Variants in ATAD2B observed in about 807,000 individuals in gnomAD.
ATAD2B encodes ATPase family AAA domain containing 2B.
In ATAD2B, 40 loss-of-function variants were observed where a neutral mutation model predicts 167.6. The observed-to-expected ratio is 0.24, with a 90% CI of 0.19 to 0.31. The LOEUF (loss-of-function observed/expected upper bound fraction) is 0.31. Among genes scored for constraint, ATAD2B ranks in the 10% least tolerant of loss-of-function variants. The pLI is 1.00. For synonymous variants in ATAD2B, 579 were observed against 596.5 expected, an observed-to-expected ratio of 0.97 and a Z score of 0.43; for missense variants, 1,242 against 1,757.2, an observed-to-expected ratio of 0.71 and a Z score of 5.24.
intron 22 of ATAD2B, among the ~76,000 whole-genome samples, chr2:23,772,656 A>C (rs1426747943): frequency 3.3e-5 from 5 of 152,126 alleles, no homozygotes; most frequent in African/African-American, 1.2e-4. Context: ...AATCCATAAA[A>C]ATTTCCCACT....
At chr2:23,839,332 T>G (rs1236933110) in intron 13 of ATAD2B, among the ~76,000 whole-genome samples, 1 of 152,144 alleles carries the variant, frequency 6.6e-6, no homozygotes, top group Admixed American at 6.5e-5. Context: ...TTCCCCATAT[T>G]ATAAGAAAAG....
At chr2:23,838,806 G>A (rs772472424) in intron 13 of ATAD2B, among the ~76,000 whole-genome samples, 2 of 151,732 alleles carry the variant, frequency 1.3e-5, no homozygotes, top group African/African-American at 2.4e-5. Context: ...TATGGCTCTG[G>A]GCTCCGTTCC....
At chr2:23,720,230 A>G in the ATAD2B span, among the ~76,000 whole-genome samples, 1 of 152,192 alleles carries the variant, frequency 6.6e-6, no homozygotes, top group Non-Finnish European at 1.5e-5. Flanking sequence ...TCAAAGGGAG[A>G]GTGCTGGAGT....
At chr2:23,767,910 A>AAC (rs1239623691) in intron 22 of ATAD2B, among the ~76,000 whole-genome samples, 1 of 130,790 alleles carries the variant, frequency 7.6e-6, no homozygotes, top group African/African-American at 2.7e-5. Flanking sequence ...AAAACAAACA[A>AAC]AAAAAAAAAC....
chr2:23,760,745 C>T (rs1676614998), intron 24 of ATAD2B, among the ~76,000 whole-genome samples: 3 of 120,920 alleles, frequency 2.5e-5, no homozygotes, highest in African/African-American at 8.5e-5. Context: ...CACACACACA[C>T]ACACATACAC....
chr2:23,888,031 A>G, intron 3 of ATAD2B, 46 bp from the exon 4 acceptor site: 1 of 1,399,320 alleles, frequency 7.1e-7, no homozygotes, highest in African/African-American at 1.5e-5. Context: ...GAATACAGAA[A>G]GACAGAAAAG....
chr2:23,693,188 G>A, the ATAD2B span: 1 of 1,466,950 alleles, frequency 6.8e-7, no homozygotes, highest in Non-Finnish European at 9.1e-7. Flanking sequence ...TTCAGAGAAG[G>A]ATCTAGGGTG....
At chr2:23,855,717 C>T (rs1693284583) in intron 13 of ATAD2B, among the ~76,000 whole-genome samples, 1 of 152,170 alleles carries the variant, frequency 6.6e-6, no homozygotes. Context: ...AGCGAGACTC[C>T]GTCTCTACAA....
At chr2:23,908,211 A>G (rs1157203770) in intron 1 of ATAD2B, among the ~76,000 whole-genome samples, 7 of 151,922 alleles carry the variant, frequency 4.6e-5, no homozygotes, top group East Asian at 3.9e-4. Flanking sequence ...GCAACCTACA[A>G]AATGGGAGAA....
chr2:23,844,231 C>T (rs989581494), intron 13 of ATAD2B, among the ~76,000 whole-genome samples: 7 of 152,056 alleles, frequency 4.6e-5, no homozygotes, highest in African/African-American at 9.7e-5. Context: ...TGAGCCACTG[C>T]GCCCAGCCGA....
At position 23,808,178 on chromosome 2, in the gene ATAD2B, T is replaced by C. The variant is rs560938892; in HGVS notation, c.2454+2138A>G. On this transcript the variant is annotated intron_variant, in intron 18 of 27. Coordinates refer to ENST00000238789, the MANE Select transcript of ATAD2B (RefSeq NM_017552.4). Reference sequence around the variant, plus strand: ...GTTATTTATATATAAGTGATATATATTTATATATATATTTATATTTATATA... The same window carrying C: ...GTTATTTATATATAAGTGATATATACTTATATATATATTTATATTTATATA... Among the ~76,000 whole-genome samples, 213 of 120,764 alleles carry C rather than the reference T, an allele frequency of 1.8e-3. 4 individuals carry two copies. The East Asian group carries it at 0.046, about 26-fold the overall frequency. 79.2% of individuals were successfully genotyped at this position (120,764 alleles called of 152,430 possible).
chr2:23,745,424 A>AAGGAAG, downstream of ATAD2B, among the ~76,000 whole-genome samples: 1 of 32,928 alleles, frequency 3.0e-5, no homozygotes, highest in Non-Finnish European at 6.0e-5. Context: ...AAGGAAGGAA[A>AAGGAAG]GGGAAGGGAA....
the ATAD2B span, among the ~76,000 whole-genome samples, chr2:23,679,733 G>T: frequency 6.6e-6 from 1 of 152,232 alleles, no homozygotes; most frequent in African/African-American, 2.4e-5. Context: ...TATCGATAAA[G>T]AAGTGAGCAC....
chr2:23,908,666 T>C (rs1701822646), intron 1 of ATAD2B, among the ~76,000 whole-genome samples: 1 of 152,094 alleles, frequency 6.6e-6, no homozygotes, highest in Admixed American at 6.6e-5. Context: ...TAAATCATGC[T>C]GCTATAAAGA....
the ATAD2B span, among the ~76,000 whole-genome samples, chr2:23,741,603 G>T: frequency 5.9e-5 from 9 of 152,120 alleles, no homozygotes; most frequent in African/African-American, 2.2e-4. Context: ...AAAAACCCTA[G>T]AAGAAAACCT....
intron 21 of ATAD2B, among the ~76,000 whole-genome samples, chr2:23,785,097 C>T (rs934932951): frequency 1.3e-5 from 2 of 151,914 alleles, no homozygotes; most frequent in Non-Finnish European, 2.9e-5. Flanking sequence ...TCTTTTCAGA[C>T]TTGCCAGGGG....
At chr2:23,815,098 T>C (rs1325944509) in intron 17 of ATAD2B, among the ~76,000 whole-genome samples, 1 of 144,992 alleles carries the variant, frequency 6.9e-6, no homozygotes, top group African/African-American at 2.5e-5. Context: ...CTGAAGACAA[T>C]GGGGAAGCAT....
rs769951625 is a variant in ATAD2B at position 23,926,728 on chromosome 2, T to G, written c.43A>C (p.Lys15Gln). 1 of 1,548,692 alleles carries G rather than the reference T, an allele frequency of 6.5e-7. No individual in the cohort carries two copies. The highest frequency in any genetic ancestry group is 2.0e-5 in the Admixed American group (1 of 50,962). Reference protein sequence around the residue: ...RKSSLRLLGSKSPGPGPGPGA... With the variant: ...RKSSLRLLGSQSPGPGPGPGA... Reference sequence around the variant, plus strand: ...GGCCCAGGCCCGGGACCAGGAGACTTGGACCCGAGAAGGCGGAGAGAGCTC... The same window carrying G: ...GGCCCAGGCCCGGGACCAGGAGACTGGGACCCGAGAAGGCGGAGAGAGCTC... Residue 15 changes from lysine (K) to glutamine (Q), a missense_variant, in exon 1 of 28, where the codon AAG (lysine) becomes CAG (glutamine). By Grantham distance (53) the Lys-to-Gln change is moderately conservative. Transcript: ENST00000238789.
chr2:23,765,468 C>T (rs1454403660), intron 23 of ATAD2B, 38 bp downstream of exon 23: 19 of 1,577,582 alleles, frequency 1.2e-5, no homozygotes, highest in Non-Finnish European at 1.6e-5. Context: ...GAACAGAGCA[C>T]ACTAGGCTTC....
Sources: gnomAD v4.1 joint callset for allele counts (sites outside exome capture counted in the v4.1 genomes callset) on GRCh38, gnomAD v4.1.1 for gene constraint, MANE v1.5 for transcripts, NCBI Gene and HGNC (gene_info 2026-07-23, HGNC 2026-07-21) for gene names.